Variants in TMEM54 observed in about 807,000 individuals in gnomAD.
TMEM54 encodes beta-casein-like protein.
Under a neutral mutation model 21.3 loss-of-function variants are expected in TMEM54, and 21 were observed. The ratio of observed to expected loss-of-function variants is 0.99; its 90% CI spans 0.70 to 1.42. The LOEUF (loss-of-function observed/expected upper bound fraction) is 1.42. TMEM54 is among the 40% of genes most tolerant of loss of function. The pLI, the probability that TMEM54 is intolerant of heterozygous loss-of-function variation, is 0.00. For missense variants in TMEM54, 246 were observed against 294.0 expected (o/e 0.84, Z 1.19); for synonymous variants, 109 against 125.0 (o/e 0.87, Z 0.86).
At position 32,895,039 on chromosome 1, in the gene TMEM54, A is replaced by G. The variant is rs1170478100; in HGVS notation, c.595-160T>C. The G allele has an allele frequency of 1.1e-5, 11 of 956,752 alleles. No individual in the cohort carries two copies. Among genetic ancestry groups the G allele is most frequent in the African/African-American group, 1.8e-5 (1 of 56,602 alleles). 59.3% of individuals were successfully genotyped at this position (956,752 alleles called of 1,614,324 possible). ...TGCAAGAGCCAGGCCTGACCTTTGC[A>G]ATGCCCTCAGTGCGAGCCCAGACAC... is the stretch of plus-strand genomic sequence containing the variant. On this transcript the variant is annotated intron_variant, in intron 5 of 5. Coordinates refer to ENST00000373463, the MANE Select transcript of TMEM54 (RefSeq NM_033504.4). This position sits in a 1 kb window ranked among gnomAD's most constrained non-coding sequence, Gnocchi z 5.8.
intron 1 of TMEM54, among the ~76,000 whole-genome samples, chr1:32,900,715 G>A (rs1184663164): frequency 6.6e-6 from 1 of 152,242 alleles, no homozygotes; most frequent in Non-Finnish European, 1.5e-5. Flanking sequence ...CTGCCCACAA[G>A]CAGCATCACC....
Position 32,895,257 on chromosome 1 carries a change from AG to A in TMEM54, c.594+47del, listed in dbSNP as rs747413698. Reference sequence around the variant, plus strand: ...GGCAGAGCAGCTTGGGCACCCTGGCAGGGGCTCCCAGGAAATTCGGGGAGTC... The same window carrying A: ...GGCAGAGCAGCTTGGGCACCCTGGCAGGGCTCCCAGGAAATTCGGGGAGTC... On this transcript the variant is annotated intron_variant, in intron 5 of 5. Coordinates refer to ENST00000373463, the MANE Select transcript of TMEM54 (RefSeq NM_033504.4). This position sits in a 1 kb window ranked among gnomAD's most constrained non-coding sequence, Gnocchi z 5.8. 2 of 1,573,058 alleles carry A rather than the reference AG, an allele frequency of 1.3e-6. No individual in the cohort carries two copies. Among genetic ancestry groups the A allele is most frequent in the Non-Finnish European group, 1.7e-6 (2 of 1,154,348 alleles).
At chr1:32,899,391 G>GAAAAAAA (rs11284140) in intron 1 of TMEM54, among the ~76,000 whole-genome samples, 2 of 122,996 alleles carry the variant, frequency 1.6e-5, no homozygotes, top group African/African-American at 3.0e-5. Context: ...CTCTGCAGCT[G>GAAAAAAA]AAAAAAAAAA....
chr1:32,895,719 C>T lies in TMEM54; in HGVS notation c.295G>A (p.Val99Met), dbSNP rs779343436. The T allele has an allele frequency of 2.9e-5, 45 of 1,558,150 alleles. 1 individual carries two copies. Among genetic ancestry groups the T allele is most frequent in the South Asian group, 1.4e-4 (12 of 84,612 alleles). ...PLRWTVFSSSVACALLSLTCA... is the reference protein window; with the variant it reads ...PLRWTVFSSSMACALLSLTCA... ...GTCAGAGAAAGGAGAGCACAGGCCA[C>T]GCTCGAGCTAAACACTGTCCAGCGC... The change falls in exon 4 of 6, where the codon GTG becomes ATG. Residue 99 changes from valine (V) to methionine (M), a missense_variant. By Grantham distance (21) the Val-to-Met change is conservative. Transcript: ENST00000373463. This position sits in a 1 kb window ranked among gnomAD's most constrained non-coding sequence, Gnocchi z 5.8.
chr1:32,894,810 G>A lies in TMEM54; in HGVS notation c.664C>T (p.Leu222Phe), dbSNP rs1273184383. Residue 222 changes from leucine to phenylalanine, a missense_variant, in exon 6 of 6, where the codon CTC (leucine) becomes TTC (phenylalanine). Leu to Phe is a conservative substitution (Grantham distance 22, BLOSUM62 0). Coordinates refer to ENST00000373463, the MANE Select transcript of TMEM54 (RefSeq NM_033504.4). The part of the protein sequence containing the change: ...LSCTSSEPLT[L>F] Reference sequence around the variant, plus strand: ...CCTGGGCAGGACATCATCTCTCAGAGGGTCAGAGGCTCAGAGCTGGTGCAG... The same window carrying A: ...CCTGGGCAGGACATCATCTCTCAGAAGGTCAGAGGCTCAGAGCTGGTGCAG... 1 of 1,610,806 alleles carries A rather than the reference G, an allele frequency of 6.2e-7. No homozygotes were observed.
Position 32,901,381 on chromosome 1 carries a change from G to A in TMEM54, c.-143C>T. ...TCGCCCACTTCCCGCCCGGAGCCCG[G>A]GGCTGGGCGGCGCCGGACCGGCCTC... is the stretch of plus-strand genomic sequence containing the variant. On this transcript the variant is annotated 5_prime_UTR_variant, in exon 1 of 6. Transcript: ENST00000373463. The surrounding 1 kb of genome is among the most constrained non-coding windows in gnomAD (Gnocchi z 4.2). 1.2e-6 allele frequency: 1 copy of A among 806,548 alleles called. No homozygotes were observed. The allele number at this position is 806,548 out of a possible 1,614,324, so 50.0% of individuals were successfully genotyped here.
chr1:32,896,064 C>G lies in TMEM54; in HGVS notation c.211-95G>C. 1 of 1,367,564 alleles carries G rather than the reference C, an allele frequency of 7.3e-7. No individual in the cohort carries two copies. Among genetic ancestry groups the G allele is most frequent in the Non-Finnish European group, 9.9e-7 (1 of 1,005,648 alleles). The allele number at this position is 1,367,564 out of a possible 1,614,324, so 84.7% of individuals were successfully genotyped here. A position where few individuals can be genotyped will look rare whatever the true frequency, so the allele number is the denominator to read the frequency against. On this transcript the variant is annotated intron_variant, in intron 2 of 5. Transcript: ENST00000373463. The surrounding 1 kb of genome is among the most constrained non-coding windows in gnomAD (Gnocchi z 4.1). Reference sequence around the variant, plus strand: ...TCTGGGATAATGATCTCACCGGCGCCAACCATTGCCCTCCAGACTCCCCCA... The same window carrying G: ...TCTGGGATAATGATCTCACCGGCGCGAACCATTGCCCTCCAGACTCCCCCA...
At chr1:32,899,247 G>A (rs1256223505) in intron 1 of TMEM54, among the ~76,000 whole-genome samples, 2 of 152,158 alleles carry the variant, frequency 1.3e-5, no homozygotes, top group Non-Finnish European at 2.9e-5. Context: ...GAGACTTGAA[G>A]ACTGTGGTCA....
intron 1 of TMEM54, among the ~76,000 whole-genome samples, chr1:32,899,903 GA>G (rs1641687946): frequency 6.6e-6 from 1 of 152,208 alleles, no homozygotes; most frequent in Non-Finnish European, 1.5e-5. Flanking sequence ...GCCAGTGTCT[GA>G]GACCCCTGGA....
In TMEM54 at chr1:32,895,051, G is replaced by T. The variant is rs896429005; in HGVS notation, c.595-172C>A. The T allele has an allele frequency of 4.3e-6, 4 of 922,754 alleles. No individual in the cohort carries two copies. The African/African-American group carries it at 5.4e-5, about 12-fold the overall frequency. The allele number at this position is 922,754 out of a possible 1,614,324, so 57.2% of individuals were successfully genotyped here. On this transcript the variant is annotated intron_variant, in intron 5 of 5. Coordinates refer to ENST00000373463, the MANE Select transcript of TMEM54 (RefSeq NM_033504.4). The surrounding 1 kb of genome is among the most constrained non-coding windows in gnomAD (Gnocchi z 5.8). ...GCCTGACCTTTGCAATGCCCTCAGTGCGAGCCCAGACACCCCTGCCCCTCC... is the reference window on the plus strand; with the variant it reads ...GCCTGACCTTTGCAATGCCCTCAGTTCGAGCCCAGACACCCCTGCCCCTCC...
Position 32,897,513 on chromosome 1 carries a change from G to A in TMEM54, c.210+613C>T, listed in dbSNP as rs538659463. Among the ~76,000 whole-genome samples, 4 of 152,284 alleles carry A rather than the reference G, an allele frequency of 2.6e-5. No homozygotes were observed. Among genetic ancestry groups the A allele is most frequent in the Admixed American group, 6.5e-5 (1 of 15,294 alleles). ...ATTCATTGAGCAGTTGCTACAGACCGGGCCTAATGCTAAGCTCCTGCCAAA... is the reference window on the plus strand; with the variant it reads ...ATTCATTGAGCAGTTGCTACAGACCAGGCCTAATGCTAAGCTCCTGCCAAA... On this transcript the variant is annotated intron_variant, in intron 2 of 5. Coordinates refer to ENST00000373463, the MANE Select transcript of TMEM54 (RefSeq NM_033504.4). This position sits in a 1 kb window ranked among gnomAD's most constrained non-coding sequence, Gnocchi z 4.9.
chr1:32,895,634 A>T lies in TMEM54; in HGVS notation c.380T>A (p.Leu127Gln). 1.3e-6 allele frequency: 2 copies of T among 1,568,070 alleles called. No individual in the cohort carries two copies. The highest frequency in any genetic ancestry group is 8.7e-7 in the Non-Finnish European group (1 of 1,156,038). The stretch of plus-strand genomic sequence containing the variant: ...GCTCCCAAAAGTGCAGGCAGCCAGC[A>T]GTGCCTTGCCCTGGGTGGCAAAGGT... The part of the protein sequence containing the change: ...AMTFATQGKA[L>Q]LAACTFGSSE... The change falls in exon 4 of 6, where the codon CTG (leucine) becomes CAG (glutamine). Residue 127 changes from leucine to glutamine, a missense_variant. Coordinates refer to ENST00000373463, the MANE Select transcript of TMEM54 (RefSeq NM_033504.4). This position sits in a 1 kb window ranked among gnomAD's most constrained non-coding sequence, Gnocchi z 5.8.
In TMEM54 at chr1:32,898,403, T is replaced by C. The variant is rs1641650820; in HGVS notation, c.17-84A>G. 5 of 1,322,456 alleles carry C rather than the reference T, an allele frequency of 3.8e-6. No individual in the cohort carries two copies. The South Asian group carries it at 7.3e-5, about 19-fold the overall frequency. 81.9% of individuals were successfully genotyped at this position (1,322,456 alleles called of 1,614,324 possible). A position where few individuals can be genotyped will look rare whatever the true frequency, so the allele number is the denominator to read the frequency against. On this transcript the variant is annotated intron_variant, in intron 1 of 5. Transcript: ENST00000373463. ...GAAGCTGAGGCCCTGGCCCTAGTGA[T>C]GGACATTGGGTTCTAAATGTATTTC... is the stretch of plus-strand genomic sequence containing the variant.
In TMEM54 at chr1:32,896,158, T is replaced by C; in HGVS notation, c.211-189A>G. The C allele has an allele frequency of 1.7e-6, 1 of 594,846 alleles. No individual in the cohort carries two copies. The allele number at this position is 594,846 out of a possible 1,614,324, so 36.8% of individuals were successfully genotyped here. A position where few individuals can be genotyped will look rare whatever the true frequency, so the allele number is the denominator to read the frequency against. On this transcript the variant is annotated intron_variant, in intron 2 of 5. Coordinates refer to ENST00000373463, the MANE Select transcript of TMEM54 (RefSeq NM_033504.4). The surrounding 1 kb of genome is among the most constrained non-coding windows in gnomAD (Gnocchi z 4.1). ...CTCCTCATAGTCCAGCCTGACATGA[T>C]GTTTCTAAAACAGTCACTCCCTCTC...
At chr1:32,899,013 A>G (rs1641664174) in intron 1 of TMEM54, among the ~76,000 whole-genome samples, 1 of 152,164 alleles carries the variant, frequency 6.6e-6, no homozygotes, top group African/African-American at 2.4e-5. Flanking sequence ...GCAAGCTCTC[A>G]GTGCAGGGGG....
intron 1 of TMEM54, 86 bp from the exon 2 acceptor site, chr1:32,898,405 G>T: frequency 7.7e-7 from 1 of 1,292,102 alleles, no homozygotes; most frequent in Non-Finnish European, 1.1e-6. Context: ...CCTAGTGATG[G>T]ACATTGGGTT....
Position 32,896,184 on chromosome 1 carries a change from T to C in TMEM54, c.211-215A>G. 2 of 522,814 alleles carry C rather than the reference T, an allele frequency of 3.8e-6. No individual in the cohort carries two copies. Among genetic ancestry groups the C allele is most frequent in the East Asian group, 3.3e-5 (1 of 30,730 alleles). The allele number at this position is 522,814 out of a possible 1,614,324, so 32.4% of individuals were successfully genotyped here. The stretch of plus-strand genomic sequence containing the variant: ...GTTTCTAAAACAGTCACTCCCTCTC[T>C]ACAACCTTCCATGAGTCCCCACTCC... On this transcript the variant is annotated intron_variant, in intron 2 of 5. Coordinates refer to ENST00000373463, the MANE Select transcript of TMEM54 (RefSeq NM_033504.4). This position sits in a 1 kb window ranked among gnomAD's most constrained non-coding sequence, Gnocchi z 4.1.
chr1:32,896,127 A>C lies in TMEM54; in HGVS notation c.211-158T>G. 1.2e-5 allele frequency: 8 copies of C among 690,142 alleles called. No individual in the cohort carries two copies. The highest frequency in any genetic ancestry group is 1.7e-5 in the Non-Finnish European group (7 of 423,010). The allele number at this position is 690,142 out of a possible 1,614,324, so 42.8% of individuals were successfully genotyped here. On this transcript the variant is annotated intron_variant, in intron 2 of 5. Transcript: ENST00000373463. This position sits in a 1 kb window ranked among gnomAD's most constrained non-coding sequence, Gnocchi z 4.1. ...TGCTTAGCCTGGGCCTCACATCTCCATCTGCCTCCTCATAGTCCAGCCTGA... is the reference window on the plus strand; with the variant it reads ...TGCTTAGCCTGGGCCTCACATCTCCCTCTGCCTCCTCATAGTCCAGCCTGA...
intron 1 of TMEM54, among the ~76,000 whole-genome samples, chr1:32,900,109 T>A (rs2124056798): frequency 1.3e-5 from 2 of 152,268 alleles, no homozygotes; most frequent in South Asian, 4.1e-4. Context: ...GCTCGGTGTC[T>A]ACCTTCCAGC....
Sources: allele counts gnomAD v4.1 joint callset (sites outside exome capture counted in the v4.1 genomes callset), GRCh38; gene constraint gnomAD v4.1.1; non-coding constraint Gnocchi (gnomAD v3.1); transcripts MANE v1.5; gene names NCBI Gene and HGNC (gene_info 2026-07-23, HGNC 2026-07-21).